The following GABRB1 variants were observed in gnomAD, a reference collection of about 807,000 sequenced individuals.
GABRB1 encodes gamma-aminobutyric acid receptor subunit beta-1.
GABRB1 carries 17 observed loss-of-function variants against 51.6 expected under a neutral mutation model. That is an observed-to-expected ratio of 0.33 (90% CI 0.23 to 0.49). GABRB1 has a LOEUF of 0.49. Among genes scored for constraint, GABRB1 ranks in the 20% least tolerant of loss-of-function variants. The pLI, the probability that GABRB1 is intolerant of heterozygous loss-of-function variation, is 0.99. For missense variants in GABRB1, 410 were observed against 600.6 expected (o/e 0.68, Z 3.32); for synonymous variants, 247 against 218.9 (o/e 1.13, Z -1.14).
intron 4 of GABRB1, 56 bp from the exon 5 acceptor site, chr4:47,320,071 A>G: frequency 8.3e-7 from 1 of 1,203,836 alleles, no homozygotes; most frequent in East Asian, 2.3e-5. Context: ...GGAAGCCTGG[A>G]AATGAAATGT....
At chr4:47,228,087 A>ACTC (rs1721015624) in intron 4 of GABRB1, among the ~76,000 whole-genome samples, 1 of 152,066 alleles carries the variant, frequency 6.6e-6, no homozygotes, top group African/African-American at 2.4e-5. Context: ...AGTCCATAAC[A>ACTC]CTCTACCCTG....
chr4:47,352,857 A>C (rs983703979), intron 5 of GABRB1, among the ~76,000 whole-genome samples: 1 of 152,194 alleles, frequency 6.6e-6, no homozygotes, highest in African/African-American at 2.4e-5. Context: ...GATCTTTCCC[A>C]GCATGTTTCT....
chr4:47,161,245 A>C lies in GABRB1; in HGVS notation c.241-4A>C. The C allele has an allele frequency of 6.4e-7, 1 of 1,550,416 alleles. No homozygotes were observed. The highest frequency in any genetic ancestry group is 8.7e-7 in the Non-Finnish European group (1 of 1,147,196). ...TTTTTTTTTTTGCTTTCTTTATTTC[A>C]CAGGATTATACACTCACCATGTATT... On this transcript the variant is annotated splice_polypyrimidine_tract_variant and splice_region_variant and intron_variant, in intron 3 of 8. Coordinates refer to ENST00000295454, the MANE Select transcript of GABRB1 (RefSeq NM_000812.4).
At chr4:47,052,603 A>G (rs749058754) in intron 3 of GABRB1, among the ~76,000 whole-genome samples, 3 of 152,222 alleles carry the variant, frequency 2.0e-5, no homozygotes, top group East Asian at 1.9e-4. Flanking sequence ...AAAATATGGT[A>G]GATGGTGGAG....
rs1043041572 is a variant in GABRB1 at position 47,224,000 on chromosome 4, A to G, written c.461+62531A>G. 9.2e-5 allele frequency among the ~76,000 whole-genome samples: 14 copies of G among 152,234 alleles called. 1 individual carries two copies. The highest frequency in any genetic ancestry group is 7.2e-4 in the Admixed American group (11 of 15,268). On this transcript the variant is annotated intron_variant, in intron 4 of 8. Coordinates refer to ENST00000295454, the MANE Select transcript of GABRB1 (RefSeq NM_000812.4). ...TTTTCCATACAATTGCTCCACAAAT[A>G]AGTTATTATTGTATAAATCTCTGAA...
At chr4:47,140,887 A>G (rs1300761186) in intron 3 of GABRB1, among the ~76,000 whole-genome samples, 1 of 151,896 alleles carries the variant, frequency 6.6e-6, no homozygotes, top group Non-Finnish European at 1.5e-5. Flanking sequence ...TCAAATTACA[A>G]CCTTCTTAGC....
chr4:47,071,531 C>G (rs1348867995), intron 3 of GABRB1, among the ~76,000 whole-genome samples: 1 of 152,168 alleles, frequency 6.6e-6, no homozygotes, highest in Non-Finnish European at 1.5e-5. Context: ...TCCAACCAAC[C>G]CCTGCTCCCC....
At chr4:47,216,336 A>G (rs1038559352) in intron 4 of GABRB1, among the ~76,000 whole-genome samples, 2 of 151,874 alleles carry the variant, frequency 1.3e-5, no homozygotes, top group Non-Finnish European at 2.9e-5. Flanking sequence ...AAAGTGACAT[A>G]CAGTTTTCTA....
At chr4:47,040,268 C>T (rs1459667176) in intron 3 of GABRB1, among the ~76,000 whole-genome samples, 3 of 152,128 alleles carry the variant, frequency 2.0e-5, no homozygotes, top group African/African-American at 7.2e-5. Flanking sequence ...ATTTTAGGTT[C>T]TTGCAGCTAT....
rs145525582 is a variant in GABRB1 at position 47,254,207 on chromosome 4, T to G, written c.462-65920T>G. Among the ~76,000 whole-genome samples the G allele has an allele frequency of 1.5e-3, 225 of 152,168 alleles. 1 individual carries two copies. Among genetic ancestry groups the G allele is most frequent in the African/African-American group, 5.2e-3 (216 of 41,526 alleles). On this transcript the variant is annotated intron_variant, in intron 4 of 8. Coordinates refer to ENST00000295454, the MANE Select transcript of GABRB1 (RefSeq NM_000812.4). ...AGAATATGCTATCAGAAAATCTCCC[T>G]AAATTTATTGAGAAAATAAGTTGAA...
intron 5 of GABRB1, among the ~76,000 whole-genome samples, chr4:47,361,803 T>A (rs1275746818): frequency 6.6e-6 from 1 of 152,124 alleles, no homozygotes; most frequent in Non-Finnish European, 1.5e-5. Context: ...TAGGTTTTGA[T>A]GGGGAAATCA....
At chr4:47,018,305 G>C (rs544882234) in intron 1 of GABRB1, among the ~76,000 whole-genome samples, 65 of 151,802 alleles carry the variant, frequency 4.3e-4, no homozygotes, top group African/African-American at 1.6e-3. Flanking sequence ...TCCCACGTCA[G>C]CCTCCCAAAG....
chr4:47,004,613 T>A (rs571803423), intron 1 of GABRB1, among the ~76,000 whole-genome samples: 2 of 152,328 alleles, frequency 1.3e-5, no homozygotes, highest in South Asian at 4.1e-4. Flanking sequence ...GGGAAGAGTT[T>A]GAGATGCTCA....
At chr4:47,346,226 C>G (rs747398695) in intron 5 of GABRB1, among the ~76,000 whole-genome samples, 3 of 152,040 alleles carry the variant, frequency 2.0e-5, no homozygotes, top group Non-Finnish European at 4.4e-5. Flanking sequence ...CCTGAAGACA[C>G]AGAAGAAACT....
At chr4:46,997,278 AC>A (rs1226081802) in intron 1 of GABRB1, among the ~76,000 whole-genome samples, 2 of 152,036 alleles carry the variant, frequency 1.3e-5, no homozygotes, top group Non-Finnish European at 2.9e-5. Flanking sequence ...TAACATATCC[AC>A]CACCTTACAT....
intron 4 of GABRB1, among the ~76,000 whole-genome samples, chr4:47,255,066 A>G (rs574459106): frequency 6.6e-6 from 1 of 152,314 alleles, no homozygotes; most frequent in African/African-American, 2.4e-5. Context: ...AAAAGAATTC[A>G]GGTAATTGCT....
At chr4:47,375,013 C>T (rs1200449074) in intron 5 of GABRB1, among the ~76,000 whole-genome samples, 2 of 152,190 alleles carry the variant, frequency 1.3e-5, no homozygotes, top group Admixed American at 6.5e-5. Context: ...CTAATTTTTA[C>T]CACATGGATA....
chr4:47,102,163 A>T (rs1487723863), intron 3 of GABRB1, among the ~76,000 whole-genome samples: 2 of 152,024 alleles, frequency 1.3e-5, no homozygotes, highest in East Asian at 3.9e-4. Context: ...AAGCCTTACT[A>T]ATCTGCATTT....
At chr4:47,365,645 T>C (rs544901932) in intron 5 of GABRB1, among the ~76,000 whole-genome samples, 1 of 152,136 alleles carries the variant, frequency 6.6e-6, no homozygotes, top group African/African-American at 2.4e-5. Flanking sequence ...TGTCTTCTGG[T>C]TGATTTTACC....
Sources: allele counts gnomAD v4.1 joint callset (sites outside exome capture counted in the v4.1 genomes callset), GRCh38; gene constraint gnomAD v4.1.1; transcripts MANE v1.5; gene names NCBI Gene and HGNC (gene_info 2026-07-23, HGNC 2026-07-21).